The following CDH13 variants were observed in gnomAD, a reference collection of about 807,000 sequenced individuals.
CDH13 encodes cadherin 13.
Under a neutral mutation model 63.8 loss-of-function variants are expected in CDH13, and 24 were observed. That is an observed-to-expected ratio of 0.38 (90% CI 0.27 to 0.53). The LOEUF (loss-of-function observed/expected upper bound fraction) is 0.53. Among genes scored for constraint, CDH13 ranks in the 20% least tolerant of loss-of-function variants. CDH13 has a pLI of 0.85. For missense variants in CDH13, 1,049 were observed against 903.1 expected, an observed-to-expected ratio of 1.16 and a Z score of -2.07; for synonymous variants, 503 against 355.3, an observed-to-expected ratio of 1.42 and a Z score of -4.67.
chr16:83,727,631 C>T (rs1039699738), intron 10 of CDH13, among the ~76,000 whole-genome samples: 1 of 152,026 alleles, frequency 6.6e-6, no homozygotes, highest in Non-Finnish European at 1.5e-5. Context: ...ATTTTATAAG[C>T]CGAGAATGTT....
intron 5 of CDH13, among the ~76,000 whole-genome samples, chr16:83,217,724 T>C (rs552001093): frequency 6.6e-6 from 1 of 152,148 alleles, no homozygotes; most frequent in South Asian, 2.1e-4. Context: ...AGACTTTGGG[T>C]ACCAGAGACC....
intron 2 of CDH13, among the ~76,000 whole-genome samples, chr16:82,869,703 A>C (rs1470421095): frequency 1.3e-5 from 2 of 152,172 alleles, no homozygotes; most frequent in Non-Finnish European, 2.9e-5. Context: ...CATTTTTGAC[A>C]AAGGTGCCAA....
At chr16:83,051,971 T>A (rs1362529985) in intron 3 of CDH13, among the ~76,000 whole-genome samples, 1 of 152,210 alleles carries the variant, frequency 6.6e-6, no homozygotes, top group Non-Finnish European at 1.5e-5. Context: ...TTGTTAACAT[T>A]AATTCTCTCA....
At chr16:82,962,088 G>T (rs1907104750) in intron 2 of CDH13, among the ~76,000 whole-genome samples, 1 of 152,216 alleles carries the variant, frequency 6.6e-6, no homozygotes, top group Non-Finnish European at 1.5e-5. Flanking sequence ...GCCAGTGAAT[G>T]TGAGCTTATT....
chr16:83,529,886 A>G (rs566525222), intron 7 of CDH13, among the ~76,000 whole-genome samples: 1 of 152,350 alleles, frequency 6.6e-6, no homozygotes, highest in South Asian at 2.1e-4. Context: ...TGTATTTGTA[A>G]TAAAATAACG....
chr16:82,648,652 T>C (rs1910377463), intron 1 of CDH13, among the ~76,000 whole-genome samples: 1 of 152,212 alleles, frequency 6.6e-6, no homozygotes, highest in Non-Finnish European at 1.5e-5. Flanking sequence ...ACTGCAATTT[T>C]GTTCATGCGT....
At chr16:82,884,161 C>T (rs750037600) in intron 2 of CDH13, 16 of 455,110 alleles carry the variant, frequency 3.5e-5, no homozygotes, top group Admixed American at 1.4e-4. Context: ...TTTCCTTATG[C>T]TGTTTCTTTC....
intron 7 of CDH13, among the ~76,000 whole-genome samples, chr16:83,549,732 T>A (rs1281565034): frequency 1.3e-5 from 2 of 151,474 alleles, no homozygotes; most frequent in African/African-American, 4.9e-5. Flanking sequence ...GAATTTCCAA[T>A]AAGAGAAAGG....
intron 10 of CDH13, among the ~76,000 whole-genome samples, chr16:83,730,759 C>G (rs1910950259): frequency 2.6e-5 from 4 of 152,100 alleles, no homozygotes; most frequent in Admixed American, 1.3e-4. Context: ...TGAGTGATCC[C>G]ATCACCCAGA....
chr16:83,411,023 C>T (rs762794774), intron 6 of CDH13, among the ~76,000 whole-genome samples: 3 of 152,174 alleles, frequency 2.0e-5, no homozygotes, highest in African/African-American at 4.8e-5. Flanking sequence ...TTTTCTCTCC[C>T]ATATCCAGTT....
chr16:83,703,107 G>A (rs1906496817), intron 10 of CDH13, among the ~76,000 whole-genome samples: 1 of 152,182 alleles, frequency 6.6e-6, no homozygotes, highest in Admixed American at 6.5e-5. Context: ...GAATAGAGCT[G>A]CATCCCTAAG....
intron 1 of CDH13, among the ~76,000 whole-genome samples, chr16:82,727,898 A>G (rs1259195766): frequency 1.3e-5 from 2 of 152,118 alleles, no homozygotes; most frequent in Non-Finnish European, 2.9e-5. Context: ...TTCTGTGTCA[A>G]GAAACTCCTT....
At chr16:83,379,818 T>C (rs1285823474) in intron 6 of CDH13, among the ~76,000 whole-genome samples, 1 of 151,122 alleles carries the variant, frequency 6.6e-6, no homozygotes, top group African/African-American at 2.4e-5. Context: ...AAACTGCCAT[T>C]CAAAGGAATG....
chr16:82,671,894 C>A (rs903851924), intron 1 of CDH13, among the ~76,000 whole-genome samples: 6 of 152,092 alleles, frequency 3.9e-5, no homozygotes, highest in Non-Finnish European at 7.3e-5. Context: ...TGAGAAGTGC[C>A]CCCTGCTGGC....
chr16:82,736,578 C>A (rs1052267320), intron 1 of CDH13, among the ~76,000 whole-genome samples: 2 of 152,220 alleles, frequency 1.3e-5, no homozygotes, highest in Non-Finnish European at 2.9e-5. Flanking sequence ...TAGGAACCCA[C>A]TAAATACTTG....
At chr16:82,978,964 C>G (rs1346675521) in intron 2 of CDH13, among the ~76,000 whole-genome samples, 1 of 152,188 alleles carries the variant, frequency 6.6e-6, no homozygotes, top group African/African-American at 2.4e-5. Flanking sequence ...TTGTACCCTG[C>G]AAAGCCACAG....
intron 7 of CDH13, among the ~76,000 whole-genome samples, chr16:83,572,175 G>GGGGTGTGT (rs1555575571): frequency 6.9e-6 from 1 of 145,586 alleles, no homozygotes; most frequent in South Asian, 2.2e-4. Flanking sequence ...ACTTTCCTGT[G>GGGGTGTGT]GTGTGTGTGT....
chr16:83,574,636 G>A (rs1035756675), intron 7 of CDH13, among the ~76,000 whole-genome samples: 8 of 152,158 alleles, frequency 5.3e-5, no homozygotes, highest in East Asian at 1.9e-4. Flanking sequence ...ATGGCATTCC[G>A]TGCCTGCGAT....
chr16:83,538,354 T>A (rs528295210), intron 7 of CDH13, among the ~76,000 whole-genome samples: 1 of 152,178 alleles, frequency 6.6e-6, no homozygotes, highest in South Asian at 2.1e-4. Flanking sequence ...ACTATACTCA[T>A]CTCCGTAGAT....
Sources: allele counts gnomAD v4.1 joint callset (sites outside exome capture counted in the v4.1 genomes callset), GRCh38; gene constraint gnomAD v4.1.1; transcripts MANE v1.5; gene names NCBI Gene and HGNC (gene_info 2026-07-23, HGNC 2026-07-21).